The following EXOC1 variants were observed in gnomAD, a reference collection of about 807,000 sequenced individuals.
EXOC1 encodes SEC3-like 1.
In EXOC1, 67 loss-of-function variants were observed where a neutral mutation model predicts 107.7. That is an observed-to-expected ratio of 0.62 (90% confidence interval 0.51 to 0.76). The LOEUF is 0.76. Ranked by LOEUF, EXOC1 falls within the 30% of genes least tolerant of loss-of-function variation. The pLI is 0.00. For synonymous variants in EXOC1, 348 were observed against 353.5 expected (o/e 0.98, Z 0.17); for missense variants, 833 against 1,055.7 (o/e 0.79, Z 2.92).
At chr4:55,878,706 A>G (rs1723116501) in intron 9 of EXOC1, among the ~76,000 whole-genome samples, 1 of 152,198 alleles carries the variant, frequency 6.6e-6, no homozygotes, top group African/African-American at 2.4e-5. Flanking sequence ...GAAATAAGAG[A>G]AAGGGCATTC....
intron 3 of EXOC1, 25 bp from the exon 4 acceptor site, chr4:55,864,202 T>C: frequency 1.4e-6 from 2 of 1,383,028 alleles, no homozygotes; most frequent in Non-Finnish European, 9.9e-7. Flanking sequence ...TCAAAAATAA[T>C]ATCTTTTGTA....
Position 55,904,895 on chromosome 4 carries a change from GT to G in EXOC1, c.*406del, listed in dbSNP as rs893321705. On this transcript the variant is annotated 3_prime_UTR_variant, in exon 19 of 19. Transcript: ENST00000381295. ...AACTACTAAAATACTGTACAAAATT[GT>G]TTTTTCACACTAACAAATGTGTATA... is the stretch of plus-strand genomic sequence containing the variant. 7 of 154,966 alleles carry G rather than the reference GT, an allele frequency of 4.5e-5. No individual in the cohort carries two copies. Among genetic ancestry groups the G allele is most frequent in the African/African-American group, 1.7e-4 (7 of 41,528 alleles). 9.6% of individuals were successfully genotyped at this position (154,966 alleles called of 1,614,324 possible). A position where few individuals can be genotyped will look rare whatever the true frequency, so the allele number is the denominator to read the frequency against.
At chr4:55,888,731 C>T (rs1430589664) in intron 10 of EXOC1, 157 bp from the exon 11 acceptor site, 1 of 652,442 alleles carries the variant, frequency 1.5e-6, no homozygotes, top group Non-Finnish European at 2.7e-6. Flanking sequence ...AGGTGACCAA[C>T]TAAACATGTG....
intron 18 of EXOC1, 93 bp from the exon 19 acceptor site, chr4:55,904,250 C>A: frequency 1.6e-6 from 2 of 1,290,188 alleles, no homozygotes; most frequent in South Asian, 1.9e-5. Flanking sequence ...CTATACTACC[C>A]AAATTCTTAG....
chr4:55,872,862 TAAA>T, intron 8 of EXOC1: 1 of 722,950 alleles, frequency 1.4e-6, no homozygotes, highest in Non-Finnish European at 1.7e-6. Context: ...TTTTTTTCTA[TAAA>T]GTTTGCTAAA....
chr4:55,889,125 T>C (rs1313898117), intron 11 of EXOC1, among the ~76,000 whole-genome samples, 193 bp downstream of exon 11: 2 of 152,212 alleles, frequency 1.3e-5, no homozygotes, highest in Admixed American at 1.3e-4. Flanking sequence ...TAAAATTACT[T>C]GACGAGTAGT....
chr4:55,893,879 G>T, intron 15 of EXOC1, 99 bp downstream of exon 15: 1 of 982,610 alleles, frequency 1.0e-6, no homozygotes, highest in Non-Finnish European at 1.5e-6. Flanking sequence ...TTCTGTTGGG[G>T]AATCTGTTGT....
intron 12 of EXOC1, 39 bp from the exon 13 acceptor site, chr4:55,891,276 G>T (rs752290772): frequency 8.1e-7 from 1 of 1,241,516 alleles, no homozygotes. Context: ...AGCATTTGGT[G>T]CAGTTCTTTC....
Position 55,892,726 on chromosome 4 carries a change from CT to C in EXOC1, c.1724+16del. On this transcript the variant is annotated intron_variant, in intron 14 of 18. Coordinates refer to ENST00000381295, the MANE Select transcript of EXOC1 (RefSeq NM_001024924.2). The stretch of plus-strand genomic sequence containing the variant: ...GTTTCATCTGAGTATGTCTTTGTTA[CT>C]ATCATTGTTTATTTTGGAAAAAATA... 6.2e-7 allele frequency: 1 copy of C among 1,612,390 alleles called. No homozygotes were observed. The highest frequency in any genetic ancestry group is 8.5e-7 in the Non-Finnish European group (1 of 1,178,582).
chr4:55,872,264 G>A (rs575130845), intron 8 of EXOC1, among the ~76,000 whole-genome samples: 1 of 152,156 alleles, frequency 6.6e-6, no homozygotes, highest in Non-Finnish European at 1.5e-5. Context: ...GTCCAAACTT[G>A]TTAGATATTT....
chr4:55,894,743 C>T (rs1046470272), intron 15 of EXOC1, among the ~76,000 whole-genome samples: 4 of 151,446 alleles, frequency 2.6e-5, no homozygotes, highest in African/African-American at 9.7e-5. Context: ...CTGCCTCAGC[C>T]TCCCGAGTAG....
intron 7 of EXOC1, 74 bp from the exon 8 acceptor site, chr4:55,871,775 G>A (rs549648579): frequency 6.6e-6 from 9 of 1,368,178 alleles, no homozygotes; most frequent in East Asian, 4.6e-5. Context: ...CGTTAGATAC[G>A]TTTAATGTTC....
At chr4:55,903,479 A>G (rs1726243093) in intron 18 of EXOC1, among the ~76,000 whole-genome samples, 1 of 152,190 alleles carries the variant, frequency 6.6e-6, no homozygotes, top group African/African-American at 2.4e-5. Flanking sequence ...CTAAACGATG[A>G]AAAGTAAAAA....
In EXOC1 at chr4:55,868,532, T is replaced by C; in HGVS notation, c.603+9T>C. 1 of 1,611,226 alleles carries C rather than the reference T, an allele frequency of 6.2e-7. No homozygotes were observed. The highest frequency in any genetic ancestry group is 8.5e-7 in the Non-Finnish European group (1 of 1,178,094). The stretch of plus-strand genomic sequence containing the variant: ...TGCAGGTGCTAGATGGGGTAAGACT[T>C]TCCTGAATTCTATGAATAAGTGATG... On this transcript the variant is annotated intron_variant, in intron 5 of 18. Transcript: ENST00000381295.
chr4:55,887,370 A>G (rs972667734), intron 10 of EXOC1, among the ~76,000 whole-genome samples: 1 of 152,190 alleles, frequency 6.6e-6, no homozygotes, highest in Non-Finnish European at 1.5e-5. Context: ...ATAAATATTT[A>G]TAAATTACCT....
At position 55,902,354 on chromosome 4, in the gene EXOC1, A is replaced by T; in HGVS notation, c.2348A>T (p.Glu783Val). The T allele has an allele frequency of 6.8e-7, 1 of 1,460,442 alleles. No individual in the cohort carries two copies. Among genetic ancestry groups the T allele is most frequent in the Non-Finnish European group, 9.0e-7 (1 of 1,107,142 alleles). 90.5% of individuals were successfully genotyped at this position (1,460,442 alleles called of 1,614,324 possible). ...QPLEKLNHFF[E>V]GVEARVAQGI... Reference sequence around the variant, plus strand: ...TTCATTTCCTTGAAGCATTTCTTTGAAGGTGTTGAAGCTCGCGTGGCACAG... The same window carrying T: ...TTCATTTCCTTGAAGCATTTCTTTGTAGGTGTTGAAGCTCGCGTGGCACAG... Residue 783 changes from glutamate to valine, a missense_variant, in exon 18 of 19, where the codon GAA (glutamate) becomes GTA (valine). Coordinates refer to ENST00000381295, the MANE Select transcript of EXOC1 (RefSeq NM_001024924.2).
At chr4:55,865,477 A>G (rs1016257603) in intron 4 of EXOC1, among the ~76,000 whole-genome samples, 4 of 152,144 alleles carry the variant, frequency 2.6e-5, no homozygotes, top group Non-Finnish European at 4.4e-5. Flanking sequence ...CTAGTCCCCA[A>G]CATCTTGGTA....
chr4:55,858,214 A>G (rs1577685878), intron 1 of EXOC1, 100 bp from the exon 2 acceptor site: 3 of 1,225,230 alleles, frequency 2.4e-6, no homozygotes, highest in East Asian at 5.1e-5. Flanking sequence ...CATTTTTCCT[A>G]GGCTTGTTAA....
At chr4:55,863,902 A>G (rs1223833787) in intron 3 of EXOC1, among the ~76,000 whole-genome samples, 3 of 152,226 alleles carry the variant, frequency 2.0e-5, no homozygotes, top group East Asian at 1.9e-4. Flanking sequence ...AATTAGGTCC[A>G]TGTCAAAGCT....
Sources: allele counts gnomAD v4.1 joint callset (sites outside exome capture counted in the v4.1 genomes callset), GRCh38; gene constraint gnomAD v4.1.1; transcripts MANE v1.5; gene names NCBI Gene and HGNC (gene_info 2026-07-23, HGNC 2026-07-21).